ROBO1: variants seen among roughly 807,000 people sequenced by gnomAD.
The protein encoded by ROBO1 is roundabout guidance receptor 1.
In ROBO1, 149 loss-of-function variants were observed where a neutral mutation model predicts 195.9. The observed-to-expected ratio is 0.76, with a 90% CI of 0.67 to 0.87. The LOEUF is 0.87. Ranked by LOEUF, ROBO1 falls within the 40% of genes least tolerant of loss-of-function variation. The pLI, the probability that ROBO1 is intolerant of heterozygous loss-of-function variation, is 0.00. For missense variants in ROBO1, 1,933 were observed against 2,068.3 expected, an observed-to-expected ratio of 0.93 and a Z score of 1.27; for synonymous variants, 816 against 733.2, an observed-to-expected ratio of 1.11 and a Z score of -1.82.
chr3:79,376,260 G>A lies in ROBO1; in HGVS notation c.88+213564C>T, dbSNP rs574186221. ...ACACTACTCACATCTAGTTACTAACGCAGGGTCAGGTGGAGGCTAGCATTA... is the reference window on the plus strand; with the variant it reads ...ACACTACTCACATCTAGTTACTAACACAGGGTCAGGTGGAGGCTAGCATTA... On this transcript the variant is annotated intron_variant, in intron 2 of 30. Transcript: ENST00000464233. Among the ~76,000 whole-genome samples the A allele has an allele frequency of 1.2e-3, 184 of 152,166 alleles. 2 individuals are homozygous for A. The highest frequency in any genetic ancestry group is 9.5e-3 in the South Asian group (46 of 4,820).
chr3:79,019,475 C>T (rs777890097), intron 3 of ROBO1: 21 of 986,222 alleles, frequency 2.1e-5, no homozygotes, highest in African/African-American at 3.5e-5. Context: ...TGGGTTTCCC[C>T]CACAGTCCCC....
At chr3:79,396,879 CT>C in intron 2 of ROBO1, among the ~76,000 whole-genome samples, 1 of 151,962 alleles carries the variant, frequency 6.6e-6, no homozygotes, top group East Asian at 1.9e-4. Flanking sequence ...AAAACTTTGC[CT>C]TTTTCAAACT....
intron 2 of ROBO1, among the ~76,000 whole-genome samples, chr3:79,393,527 C>T (rs1230345331): frequency 6.6e-6 from 1 of 152,204 alleles, no homozygotes; most frequent in African/African-American, 2.4e-5. Context: ...GCTTCTACCT[C>T]TGATTCCACA....
chr3:79,063,939 G>C (rs181791132), intron 3 of ROBO1, among the ~76,000 whole-genome samples: 5 of 152,018 alleles, frequency 3.3e-5, no homozygotes, highest in African/African-American at 1.2e-4. Flanking sequence ...AGGCTGGGGA[G>C]GAGAGATGGC....
chr3:79,575,310 T>TATATATAACAAATATATATATAA lies in ROBO1; in HGVS notation c.88+14513_88+14514insTTATATATATATTTGTTATATAT, dbSNP rs1283218968. Among the ~76,000 whole-genome samples the TATATATAACAAATATATATATAA allele has an allele frequency of 2.3e-3, 274 of 120,592 alleles. 5 individuals are homozygous for TATATATAACAAATATATATATAA. The highest frequency in any genetic ancestry group is 8.9e-3 in the African/African-American group (264 of 29,734). The allele number at this position is 120,592 out of a possible 152,430, so 79.1% of individuals were successfully genotyped here. A position where few individuals can be genotyped will look rare whatever the true frequency, so the allele number is the denominator to read the frequency against. On this transcript the variant is annotated intron_variant, in intron 2 of 30. Coordinates refer to ENST00000464233, the MANE Select transcript of ROBO1 (RefSeq NM_002941.4). The stretch of plus-strand genomic sequence containing the variant: ...AATATATATAACAAATATATATAAA[T>TATATATAACAAATATATATATAA]ATATATATAACATATATATAAATAT...
At chr3:79,213,629 C>G (rs1158231598) in intron 2 of ROBO1, among the ~76,000 whole-genome samples, 1 of 151,964 alleles carries the variant, frequency 6.6e-6, no homozygotes, top group Admixed American at 6.6e-5. Flanking sequence ...TTTTCTGATG[C>G]CTTCAGAAAT....
At chr3:79,029,697 A>G (rs1007756114) in intron 3 of ROBO1, among the ~76,000 whole-genome samples, 9 of 152,224 alleles carry the variant, frequency 5.9e-5, no homozygotes, top group African/African-American at 1.7e-4. Flanking sequence ...CATTTGGCCC[A>G]TACTTCCCCT....
At chr3:79,752,069 A>T (rs1704151482) in intron 1 of ROBO1, among the ~76,000 whole-genome samples, 1 of 152,148 alleles carries the variant, frequency 6.6e-6, no homozygotes, top group Non-Finnish European at 1.5e-5. Flanking sequence ...GAAACAAGCC[A>T]ACACATTTTT....
chr3:79,224,382 G>A (rs1161284910), intron 2 of ROBO1, among the ~76,000 whole-genome samples: 4 of 152,170 alleles, frequency 2.6e-5, no homozygotes, highest in African/African-American at 7.2e-5. Flanking sequence ...TGACATGCCT[G>A]GAGGCACTCA....
chr3:79,733,813 T>G (rs1016435000), intron 1 of ROBO1, among the ~76,000 whole-genome samples: 4 of 152,180 alleles, frequency 2.6e-5, no homozygotes, highest in African/African-American at 9.7e-5. Flanking sequence ...ATTGTGTACT[T>G]TTTTTGAAAG....
At chr3:79,269,448 G>GT (rs997334148) in intron 2 of ROBO1, among the ~76,000 whole-genome samples, 62 of 151,574 alleles carry the variant, frequency 4.1e-4, no homozygotes, top group African/African-American at 1.5e-3. Context: ...AACTAGTGTA[G>GT]TTTTTTTACT....
At chr3:78,995,620 T>A (rs543681663) in intron 3 of ROBO1, among the ~76,000 whole-genome samples, 3 of 151,472 alleles carry the variant, frequency 2.0e-5, no homozygotes, top group African/African-American at 7.3e-5. Context: ...AAATTCTAGG[T>A]CTGAAGACAA....
intron 7 of ROBO1, among the ~76,000 whole-genome samples, chr3:78,715,894 A>C (rs1043563640): frequency 6.6e-6 from 1 of 152,170 alleles, no homozygotes; most frequent in Admixed American, 6.5e-5. Flanking sequence ...TGGCTCACCA[A>C]TGTGCATATA....
At chr3:78,730,709 A>G (rs1352822276) in intron 5 of ROBO1, among the ~76,000 whole-genome samples, 2 of 152,140 alleles carry the variant, frequency 1.3e-5, no homozygotes, top group African/African-American at 4.8e-5. Flanking sequence ...TGAACACGAG[A>G]TTATGCTAGA....
intron 2 of ROBO1, among the ~76,000 whole-genome samples, chr3:79,243,777 G>T (rs1344596138): frequency 2.7e-4 from 41 of 151,968 alleles, no homozygotes; most frequent in Non-Finnish European, 1.5e-5. Context: ...CCATTCTATA[G>T]GTTGCCTATT....
intron 1 of ROBO1, among the ~76,000 whole-genome samples, chr3:79,650,806 C>A (rs1484585727): frequency 6.6e-6 from 1 of 151,668 alleles, no homozygotes; most frequent in East Asian, 1.9e-4. Flanking sequence ...ACATTTCTGG[C>A]AACTGTACCA....
chr3:79,758,129 A>G (rs778386423), intron 1 of ROBO1, among the ~76,000 whole-genome samples: 7 of 152,134 alleles, frequency 4.6e-5, no homozygotes, highest in Non-Finnish European at 1.0e-4. Context: ...TGCCCTGTAA[A>G]ACTATTTTAT....
intron 1 of ROBO1, among the ~76,000 whole-genome samples, chr3:79,594,833 T>G (rs1219298651): frequency 3.3e-5 from 5 of 152,030 alleles, no homozygotes; most frequent in African/African-American, 1.2e-4. Flanking sequence ...TCCTCCAGGG[T>G]AATGACGGAA....
intron 2 of ROBO1, among the ~76,000 whole-genome samples, chr3:79,546,660 A>G (rs1233523185): frequency 1.3e-5 from 2 of 152,184 alleles, no homozygotes; most frequent in African/African-American, 2.4e-5. Context: ...ATTACAGACC[A>G]TGTACACTCA....
Sources: gnomAD v4.1 joint callset for allele counts (sites outside exome capture counted in the v4.1 genomes callset) on GRCh38, gnomAD v4.1.1 for gene constraint, MANE v1.5 for transcripts, NCBI Gene and HGNC (gene_info 2026-07-23, HGNC 2026-07-21) for gene names.